SGPP1: variants seen among roughly 807,000 people sequenced by gnomAD.
SGPP1 encodes the protein hSPP1.
In SGPP1, 21 loss-of-function variants were observed where a neutral mutation model predicts 33.0. That is an observed-to-expected ratio of 0.64 (90% CI 0.45 to 0.92). SGPP1 has a LOEUF of 0.92. SGPP1 is among the 40% of genes least tolerant of loss of function. The pLI, the probability that SGPP1 is intolerant of heterozygous loss-of-function variation, is 0.00. For missense variants in SGPP1, 543 were observed against 589.4 expected (o/e 0.92, Z 0.81); for synonymous variants, 239 against 241.2 (o/e 0.99, Z 0.08).
At chr14:63,713,898 A>G (rs779357103) in intron 1 of SGPP1, among the ~76,000 whole-genome samples, 19 of 152,210 alleles carry the variant, frequency 1.2e-4, no homozygotes, top group Admixed American at 3.9e-4. Context: ...AGATTAGTGT[A>G]TGAGTCAGAG....
intron 2 of SGPP1, among the ~76,000 whole-genome samples, chr14:63,694,561 A>G (rs1347120241): frequency 6.6e-6 from 1 of 152,174 alleles, no homozygotes; most frequent in Non-Finnish European, 1.5e-5. Flanking sequence ...TAAATTGTTT[A>G]TATTTCCCTA....
At chr14:63,699,467 G>A (rs1595064117) in intron 1 of SGPP1, among the ~76,000 whole-genome samples, 1 of 152,302 alleles carries the variant, frequency 6.6e-6, no homozygotes, top group Non-Finnish European at 1.5e-5. Context: ...AATGTGGTTA[G>A]GGAAGTTGGG....
chr14:63,706,869 C>A (rs1430797952), intron 1 of SGPP1, among the ~76,000 whole-genome samples: 1 of 151,920 alleles, frequency 6.6e-6, no homozygotes, highest in Non-Finnish European at 1.5e-5. Context: ...GTGGCGAAAC[C>A]TTGTCTCTAC....
intron 1 of SGPP1, among the ~76,000 whole-genome samples, chr14:63,716,482 A>G (rs1387959590): frequency 2.6e-5 from 4 of 152,126 alleles, no homozygotes; most frequent in Non-Finnish European, 5.9e-5. Context: ...CAACAGAGCA[A>G]GACTCAGTCT....
chr14:63,727,793 C>T lies in SGPP1; in HGVS notation c.152G>A (p.Gly51Glu). ...CTGCCGCCCTCGCAGTCGAGGGTCT[C>T]CGGCGAGAGGCGCCTCCGCTTTCTC... is the stretch of plus-strand genomic sequence containing the variant. ...EDEKAEAPLAGDPRLRGRQPG... is the reference protein window; with the variant it reads ...EDEKAEAPLAEDPRLRGRQPG... Residue 51 changes from glycine (G) to glutamate (E), a missense_variant, in exon 1 of 3, where the codon GGA (glycine) becomes GAA (glutamate). Transcript: ENST00000247225. The T allele has an allele frequency of 6.6e-7, 1 of 1,505,466 alleles. No homozygotes were observed. The highest frequency in any genetic ancestry group is 8.8e-7 in the Non-Finnish European group (1 of 1,133,630). The allele number at this position is 1,505,466 out of a possible 1,614,324, so 93.3% of individuals were successfully genotyped here.
Position 63,686,542 on chromosome 14 carries a change from C to T in SGPP1, c.889G>A (p.Gly297Arg). The change falls in exon 3 of 3, where the codon GGG becomes AGG. Residue 297 changes from glycine to arginine, a missense_variant. Transcript: ENST00000247225. ...THKYAPFIIIGLHLALGIFSF... is the reference protein window; with the variant it reads ...THKYAPFIIIRLHLALGIFSF... ...AAGATCCCCAAAGCTAAATGAAGCCCGATGATGATGAATGGAGCATATTTG... is the reference window on the plus strand; with the variant it reads ...AAGATCCCCAAAGCTAAATGAAGCCTGATGATGATGAATGGAGCATATTTG... The T allele has an allele frequency of 1.9e-6, 3 of 1,613,774 alleles. No individual in the cohort carries two copies. The highest frequency in any genetic ancestry group is 1.1e-5 in the South Asian group (1 of 91,058).
chr14:63,718,072 C>T (rs950272845), intron 1 of SGPP1, among the ~76,000 whole-genome samples: 4 of 151,884 alleles, frequency 2.6e-5, no homozygotes, highest in Non-Finnish European at 4.4e-5. Flanking sequence ...ACAGTGAAAC[C>T]CTATCTCTAC....
chr14:63,705,977 C>A (rs549003862), intron 1 of SGPP1, among the ~76,000 whole-genome samples: 1 of 152,328 alleles, frequency 6.6e-6, no homozygotes, highest in African/African-American at 2.4e-5. Flanking sequence ...TACATTTATA[C>A]ATATGTTCAT....
At chr14:63,706,268 G>A (rs1354141756) in intron 1 of SGPP1, among the ~76,000 whole-genome samples, 4 of 152,118 alleles carry the variant, frequency 2.6e-5, no homozygotes, top group East Asian at 1.9e-4. Flanking sequence ...CCAGAAGTCA[G>A]GGGGAGAGAG....
intron 2 of SGPP1, 59 bp from the exon 3 acceptor site, chr14:63,686,715 AAAAT>A (rs1186362283): frequency 8.3e-7 from 1 of 1,207,104 alleles, no homozygotes; most frequent in Non-Finnish European, 1.1e-6. Context: ...TGGCATTTAA[AAAAT>A]AATTTATATT....
intron 1 of SGPP1, among the ~76,000 whole-genome samples, chr14:63,711,577 TG>T (rs1245144558): frequency 1.3e-5 from 2 of 152,170 alleles, no homozygotes; most frequent in Admixed American, 6.5e-5. Flanking sequence ...CACTCTTCTT[TG>T]GGGGAGGTCA....
Position 63,727,559 on chromosome 14 carries a change from T to C in SGPP1, c.386A>G (p.Tyr129Cys), listed in dbSNP as rs544718592. The C allele has an allele frequency of 1.9e-6, 3 of 1,608,296 alleles. No individual in the cohort carries two copies. The highest frequency in any genetic ancestry group is 1.7e-6 in the Non-Finnish European group (2 of 1,177,966). ...CTCCGTGCCGAAGCAGAACAGGCAG[T>C]AGAGCGGCCAGTTGCTCACGCGGGC... ...QLARVSNWPL[Y>C]CLFCFGTELG... Residue 129 changes from tyrosine (Y) to cysteine (C), a missense_variant, in exon 1 of 3, where the codon TAC becomes TGC. By Grantham distance (194) the Tyr-to-Cys change is radical. Coordinates refer to ENST00000247225, the MANE Select transcript of SGPP1 (RefSeq NM_030791.4).
intron 1 of SGPP1, among the ~76,000 whole-genome samples, chr14:63,705,917 A>C (rs955478759): frequency 5.3e-5 from 8 of 152,224 alleles, no homozygotes; most frequent in African/African-American, 1.9e-4. Context: ...CGACCCACAC[A>C]TTTCCAATTT....
At chr14:63,686,718 ATAATT>A in intron 2 of SGPP1, 62 bp from the exon 3 acceptor site, 1 of 1,179,198 alleles carries the variant, frequency 8.5e-7, no homozygotes, top group Non-Finnish European at 1.2e-6. Flanking sequence ...CATTTAAAAA[ATAATT>A]TATATTTGAC....
chr14:63,694,629 C>T (rs1025205728), intron 2 of SGPP1, among the ~76,000 whole-genome samples: 5 of 152,060 alleles, frequency 3.3e-5, no homozygotes, highest in South Asian at 2.1e-4. Flanking sequence ...TTCAAATTTA[C>T]GACATAACCA....
chr14:63,708,247 A>T (rs1450351052), intron 1 of SGPP1, among the ~76,000 whole-genome samples: 2 of 142,726 alleles, frequency 1.4e-5, no homozygotes, highest in African/African-American at 2.6e-5. Flanking sequence ...CTATAGCAGC[A>T]ATCCTTTTTT....
At chr14:63,721,446 G>GA (rs879423776) in intron 1 of SGPP1, among the ~76,000 whole-genome samples, 169 of 134,622 alleles carry the variant, frequency 1.3e-3, no homozygotes, top group African/African-American at 2.0e-3. Context: ...TTCGTATCCA[G>GA]AAAAAAAAAA....
In SGPP1 at chr14:63,695,047, A is replaced by ATTTAT. The variant is rs914017265; in HGVS notation, c.774+3517_774+3521dup. The stretch of plus-strand genomic sequence containing the variant: ...ATCTCATAATGGCTTTTTTGTTTTT[A>ATTTAT]TTTATTTTATTTTATTTTATTTTTT... On this transcript the variant is annotated intron_variant, in intron 2 of 2. Coordinates refer to ENST00000247225, the MANE Select transcript of SGPP1 (RefSeq NM_030791.4). Among the ~76,000 whole-genome samples the ATTTAT allele has an allele frequency of 5.3e-5, 8 of 151,670 alleles. No homozygotes were observed. In the South Asian group the frequency reaches 8.4e-4, roughly 16 times the overall value.
At chr14:63,686,745 T>G in intron 2 of SGPP1, 89 bp from the exon 3 acceptor site, 1 of 931,864 alleles carries the variant, frequency 1.1e-6, no homozygotes, top group Non-Finnish European at 1.5e-6. Context: ...TTTCAAATGT[T>G]GAATATACAT....
Sources: allele counts gnomAD v4.1 joint callset (sites outside exome capture counted in the v4.1 genomes callset), GRCh38; gene constraint gnomAD v4.1.1; transcripts MANE v1.5; gene names NCBI Gene and HGNC (gene_info 2026-07-23, HGNC 2026-07-21).